FAR1: variants seen among roughly 807,000 people sequenced by gnomAD.
FAR1 encodes the protein fatty acyl-CoA reductase 1.
A neutral mutation model predicts 61.1 loss-of-function variants in FAR1; 22 were observed. The observed-to-expected ratio is 0.36, with a 90% CI of 0.26 to 0.51. The LOEUF (loss-of-function observed/expected upper bound fraction) is 0.51. Among genes scored for constraint, FAR1 ranks in the 20% least tolerant of loss-of-function variants. The probability of loss-of-function intolerance (pLI) is 0.95; values close to 1 mark genes in which losing one functional copy is unlikely to be tolerated. For synonymous variants in FAR1, 206 were observed against 209.7 expected, an observed-to-expected ratio of 0.98 and a Z score of 0.15; for missense variants, 359 against 626.9, an observed-to-expected ratio of 0.57 and a Z score of 4.56.
intron 10 of FAR1, among the ~76,000 whole-genome samples, chr11:13,727,159 T>A (rs1282637156): frequency 2.0e-5 from 3 of 152,012 alleles, no homozygotes; most frequent in African/African-American, 4.8e-5. Context: ...CCAGGAAAAT[T>A]AGTCTGTTCA....
intron 2 of FAR1, among the ~76,000 whole-genome samples, chr11:13,698,355 A>G (rs954701820): frequency 6.6e-6 from 1 of 152,174 alleles, no homozygotes; most frequent in Non-Finnish European, 1.5e-5. Flanking sequence ...TTATCTCTCA[A>G]ATTCAGTCAT....
At chr11:13,710,944 G>C in intron 5 of FAR1, 74 bp downstream of exon 5, 1 of 1,324,632 alleles carries the variant, frequency 7.5e-7, no homozygotes, top group Non-Finnish European at 1.0e-6. Context: ...AAAAGAGCTG[G>C]CAGTTCTTTA....
chr11:13,718,994 G>T (rs922329057), intron 9 of FAR1, among the ~76,000 whole-genome samples: 2 of 151,806 alleles, frequency 1.3e-5, no homozygotes, highest in African/African-American at 4.8e-5. Flanking sequence ...CTTCAAGGGT[G>T]AGTATTCAGT....
At chr11:13,708,462 CACACACACACACACAT>C (rs1398462427) in intron 4 of FAR1, among the ~76,000 whole-genome samples, 2 of 147,732 alleles carry the variant, frequency 1.4e-5, no homozygotes, top group South Asian at 2.2e-4. Flanking sequence ...CACACACACA[CACACACACACACACAT>C]ACATTTATCT....
intron 1 of FAR1, among the ~76,000 whole-genome samples, chr11:13,677,864 C>A (rs928950005): frequency 6.6e-6 from 1 of 152,168 alleles, no homozygotes; most frequent in Non-Finnish European, 1.5e-5. Context: ...AAAGTCTAGA[C>A]TAATTAGAAA....
chr11:13,728,526 T>TA (rs1007609061), intron 11 of FAR1, 86 bp from the exon 12 acceptor site: 4 of 1,227,692 alleles, frequency 3.3e-6, no homozygotes, highest in African/African-American at 1.5e-5. Context: ...GAGCTTTGAT[T>TA]AAAAACTCAG....
At chr11:13,705,382 A>C (rs746785573) in intron 3 of FAR1, among the ~76,000 whole-genome samples, 1 of 152,004 alleles carries the variant, frequency 6.6e-6, no homozygotes, top group Non-Finnish European at 1.5e-5. Context: ...GAATGGCTTC[A>C]GGTTTGGGCT....
intron 2 of FAR1, among the ~76,000 whole-genome samples, chr11:13,696,978 G>A (rs1848313804): frequency 6.6e-6 from 1 of 152,172 alleles, no homozygotes; most frequent in African/African-American, 2.4e-5. Context: ...TGTTCTGGAG[G>A]CTTGTTCTAT....
intron 2 of FAR1, among the ~76,000 whole-genome samples, chr11:13,696,388 G>T (rs1045746046): frequency 3.3e-5 from 5 of 152,120 alleles, no homozygotes; most frequent in African/African-American, 9.7e-5. Context: ...AGTGATAGAC[G>T]TGTCAGGAGT....
rs757025174 is a variant in FAR1, at chr11:13,694,997, G to A, written c.189+43G>A. ...GCACTCAGAACAAAGAAAAAAGCGT[G>A]TGCTTGTGTATATAATTATTGTAGT... is the stretch of plus-strand genomic sequence containing the variant. On this transcript the variant is annotated intron_variant, in intron 2 of 11. Coordinates refer to ENST00000354817, the MANE Select transcript of FAR1 (RefSeq NM_032228.6). 9.3e-6 allele frequency: 14 copies of A among 1,503,870 alleles called. No homozygotes were observed. In the South Asian group the frequency reaches 1.7e-4, roughly 18 times the overall value. 93.2% of individuals were successfully genotyped at this position (1,503,870 alleles called of 1,614,324 possible).
chr11:13,727,324 C>G (rs540070133), intron 10 of FAR1, among the ~76,000 whole-genome samples: 4 of 151,720 alleles, frequency 2.6e-5, no homozygotes, highest in Non-Finnish European at 5.9e-5. Context: ...TCTTTAAATG[C>G]TGACATTAGT....
At chr11:13,698,247 T>C (rs1318477390) in intron 2 of FAR1, among the ~76,000 whole-genome samples, 5 of 152,210 alleles carry the variant, frequency 3.3e-5, no homozygotes, top group African/African-American at 1.2e-4. Flanking sequence ...ACTTAACAAA[T>C]GTTTAAAGTC....
intron 9 of FAR1, chr11:13,719,888 G>A (rs1408215737): frequency 6.6e-6 from 1 of 152,138 alleles, no homozygotes; most frequent in Non-Finnish European, 1.5e-5. Flanking sequence ...CTAAAGGATT[G>A]TGATTATTTT....
intron 1 of FAR1, among the ~76,000 whole-genome samples, chr11:13,687,053 T>C (rs1011419956): frequency 2.0e-5 from 3 of 152,230 alleles, no homozygotes; most frequent in Non-Finnish European, 1.5e-5. Flanking sequence ...TCCTAGCAAG[T>C]AAATATATCT....
chr11:13,671,961 G>A (rs1848009941), intron 1 of FAR1, among the ~76,000 whole-genome samples: 1 of 152,222 alleles, frequency 6.6e-6, no homozygotes, highest in Admixed American at 6.5e-5. Context: ...TGTAGATACT[G>A]AGGAATACAC....
chr11:13,717,563 A>G (rs1848569429), intron 9 of FAR1, among the ~76,000 whole-genome samples: 1 of 152,174 alleles, frequency 6.6e-6, no homozygotes, highest in Admixed American at 6.5e-5. Context: ...TTTTGCATAA[A>G]AACTGGCCTG....
At chr11:13,726,727 CTTT>C (rs896994096) in intron 10 of FAR1, among the ~76,000 whole-genome samples, 1 of 141,674 alleles carries the variant, frequency 7.1e-6, no homozygotes, top group East Asian at 2.0e-4. Flanking sequence ...GCTTCTCTTC[CTTT>C]TTTTTTTTTT....
At chr11:13,671,077 A>G (rs1847997432) in intron 1 of FAR1, among the ~76,000 whole-genome samples, 1 of 152,212 alleles carries the variant, frequency 6.6e-6, no homozygotes, top group South Asian at 2.1e-4. Context: ...GCGATTTCTT[A>G]GTGATGCTGT....
chr11:13,694,628 C>T (rs1020701147), intron 1 of FAR1, 131 bp from the exon 2 acceptor site: 5 of 712,572 alleles, frequency 7.0e-6, no homozygotes, highest in South Asian at 2.1e-5. Context: ...GGTTAGAGTC[C>T]TCTCTTGTTA....
Sources: gnomAD v4.1 joint callset for allele counts (sites outside exome capture counted in the v4.1 genomes callset) on GRCh38, gnomAD v4.1.1 for gene constraint, MANE v1.5 for transcripts, NCBI Gene and HGNC (gene_info 2026-07-23, HGNC 2026-07-21) for gene names.